RAB28: variants seen among roughly 807,000 people sequenced by gnomAD.
RAB28 encodes ras-related protein Rab-28.
Under a neutral mutation model 31.7 loss-of-function variants are expected in RAB28, and 24 were observed. The observed-to-expected ratio is 0.76, with a 90% CI of 0.55 to 1.06. RAB28 has a LOEUF of 1.06. Ranked by LOEUF, RAB28 falls within the 50% of genes least tolerant of loss-of-function variation. The probability of loss-of-function intolerance (pLI) is 0.00; values close to 1 mark genes in which losing one functional copy is unlikely to be tolerated. For synonymous variants in RAB28, 100 were observed against 90.4 expected, an observed-to-expected ratio of 1.11 and a Z score of -0.60; for missense variants, 254 against 258.5, an observed-to-expected ratio of 0.98 and a Z score of 0.12.
chr4:13,428,342 A>G (rs1474902667), intron 4 of RAB28, among the ~76,000 whole-genome samples: 5 of 152,218 alleles, frequency 3.3e-5, no homozygotes, highest in African/African-American at 1.2e-4. Context: ...CAAGCCACAA[A>G]TAAGTGTCTG....
intron 6 of RAB28, chr4:13,370,685 G>A (rs1728681858): frequency 1.0e-6 from 1 of 984,338 alleles, no homozygotes; most frequent in South Asian, 4.7e-5. Context: ...TCCTTATGAT[G>A]CTCGCTCCCC....
intron 4 of RAB28, chr4:13,460,010 C>A: frequency 1.3e-6 from 1 of 753,248 alleles, no homozygotes; most frequent in South Asian, 1.5e-5. Context: ...TATAATAGAC[C>A]ACGCATCAAA....
At chr4:13,418,732 T>TA (rs1329706157) in intron 4 of RAB28, among the ~76,000 whole-genome samples, 1 of 152,170 alleles carries the variant, frequency 6.6e-6, no homozygotes, top group Non-Finnish European at 1.5e-5. Context: ...AGGCCTCCCT[T>TA]ACAAGAGCTC....
chr4:13,408,705 G>C (rs1160368498), intron 4 of RAB28, among the ~76,000 whole-genome samples: 1 of 152,138 alleles, frequency 6.6e-6, no homozygotes, highest in African/African-American at 2.4e-5. Flanking sequence ...TGTATGAGAT[G>C]CAAGTATGAG....
At chr4:13,460,986 A>G (rs1715562406) in intron 3 of RAB28, among the ~76,000 whole-genome samples, 158 bp from the exon 4 acceptor site, 1 of 152,228 alleles carries the variant, frequency 6.6e-6, no homozygotes. Context: ...TTACTAGCAG[A>G]TTGATAATAC....
intron 2 of RAB28, among the ~76,000 whole-genome samples, chr4:13,477,156 C>T (rs1328866774): frequency 1.3e-5 from 2 of 151,592 alleles, no homozygotes; most frequent in African/African-American, 4.8e-5. Flanking sequence ...GCTCTATCAG[C>T]AGAATCTCTG....
chr4:13,369,486 C>G (rs573034442), intron 6 of RAB28, among the ~76,000 whole-genome samples: 4 of 152,102 alleles, frequency 2.6e-5, no homozygotes, highest in Non-Finnish European at 4.4e-5. Context: ...CACACACAAG[C>G]AGACAAAGAA....
intron 4 of RAB28, among the ~76,000 whole-genome samples, chr4:13,423,210 G>A (rs1409225277): frequency 1.3e-5 from 2 of 152,064 alleles, no homozygotes; most frequent in Admixed American, 6.5e-5. Context: ...TTTTTGTTAT[G>A]GCCCATGAGC....
At chr4:13,391,400 A>T (rs777742348) in intron 4 of RAB28, among the ~76,000 whole-genome samples, 9 of 152,204 alleles carry the variant, frequency 5.9e-5, no homozygotes, top group Non-Finnish European at 8.8e-5. Context: ...AAAAGTCAGG[A>T]AACAACAGAT....
intron 4 of RAB28, among the ~76,000 whole-genome samples, chr4:13,434,618 T>C (rs528160320): frequency 6.6e-6 from 1 of 152,188 alleles, no homozygotes. Context: ...CATCTATGCA[T>C]GGAACATCCT....
intron 4 of RAB28, among the ~76,000 whole-genome samples, chr4:13,404,181 C>T (rs992702281): frequency 6.6e-6 from 1 of 152,132 alleles, no homozygotes; most frequent in Non-Finnish European, 1.5e-5. Context: ...GAGTTTGAGA[C>T]CAGCCTGACC....
chr4:13,474,265 T>C, intron 3 of RAB28, 53 bp downstream of exon 3: 1 of 1,176,526 alleles, frequency 8.5e-7, no homozygotes, highest in Non-Finnish European at 1.3e-6. Flanking sequence ...TTTGCATGTG[T>C]GCTTGTAAGT....
At chr4:13,451,294 C>A (rs546046528) in intron 4 of RAB28, among the ~76,000 whole-genome samples, 1 of 151,502 alleles carries the variant, frequency 6.6e-6, no homozygotes, top group African/African-American at 2.4e-5. Context: ...GATGTTGGAA[C>A]ATTTTTTTCA....
At chr4:13,371,850 G>T (rs1408886953) in intron 6 of RAB28, 5 of 1,545,554 alleles carry the variant, frequency 3.2e-6, no homozygotes, top group Non-Finnish European at 4.4e-6. Flanking sequence ...TTGATGAAAT[G>T]AAAATAATGA....
At chr4:13,379,259 CT>C (rs1273660469) in intron 5 of RAB28, among the ~76,000 whole-genome samples, 2 of 143,096 alleles carry the variant, frequency 1.4e-5, no homozygotes, top group African/African-American at 5.2e-5. Context: ...AGGTGATAGA[CT>C]AGGGATATAG....
chr4:13,415,555 G>C (rs1403979492), intron 4 of RAB28, among the ~76,000 whole-genome samples: 1 of 152,102 alleles, frequency 6.6e-6, no homozygotes, highest in Non-Finnish European at 1.5e-5. Flanking sequence ...GCTGCAGAGG[G>C]TGTGCTGGGT....
intron 4 of RAB28, among the ~76,000 whole-genome samples, chr4:13,395,590 G>C (rs1326670835): frequency 6.6e-6 from 1 of 151,788 alleles, no homozygotes; most frequent in Non-Finnish European, 1.5e-5. Context: ...TCCTTACTCA[G>C]GATCTCCACT....
At chr4:13,459,825 G>C (rs898388105) in intron 4 of RAB28, 2 of 1,259,988 alleles carry the variant, frequency 1.6e-6, no homozygotes, top group Non-Finnish European at 2.1e-6. Flanking sequence ...TCAATGAAAT[G>C]CATCGCTCAA....
At chr4:13,370,301 G>A in intron 6 of RAB28, 6 of 963,948 alleles carry the variant, frequency 6.2e-6, no homozygotes, top group Non-Finnish European at 7.4e-6. Context: ...ATAATGCCCA[G>A]AATTTCAGAA....
Sources: allele counts gnomAD v4.1 joint callset (sites outside exome capture counted in the v4.1 genomes callset), GRCh38; gene constraint gnomAD v4.1.1; transcripts MANE v1.5; gene names NCBI Gene and HGNC (gene_info 2026-07-23, HGNC 2026-07-21).